NIBAN1: variants seen among roughly 807,000 people sequenced by gnomAD.
NIBAN1 encodes the protein niban apoptosis regulator 1.
In NIBAN1, 81 loss-of-function variants were observed where a neutral mutation model predicts 75.1. That is an observed-to-expected ratio of 1.08 (90% CI 0.90 to 1.30). The LOEUF (loss-of-function observed/expected upper bound fraction) is 1.30. NIBAN1 is among the 50% of genes most tolerant of loss of function. NIBAN1 has a pLI of 0.00. For synonymous variants in NIBAN1, 436 were observed against 424.8 expected, an observed-to-expected ratio of 1.03 and a Z score of -0.32; for missense variants, 1,133 against 1,128.1, an observed-to-expected ratio of 1.00 and a Z score of -0.06.
intron 7 of NIBAN1, 68 bp from the exon 8 acceptor site, chr1:184,823,397 G>A: frequency 8.3e-6 from 13 of 1,571,614 alleles, no homozygotes; most frequent in Non-Finnish European, 1.1e-5. Flanking sequence ...TCAAGTGGAG[G>A]GAGGAGCCTT....
At chr1:184,967,585 A>G (rs188417365) in intron 1 of NIBAN1, among the ~76,000 whole-genome samples, 1 of 152,342 alleles carries the variant, frequency 6.6e-6, no homozygotes, top group African/African-American at 2.4e-5. Flanking sequence ...CTGTGAACCC[A>G]GTTCAAACCT....
At chr1:184,921,734 T>G (rs894972450) in intron 1 of NIBAN1, among the ~76,000 whole-genome samples, 10 of 152,190 alleles carry the variant, frequency 6.6e-5, no homozygotes, top group African/African-American at 2.4e-4. Flanking sequence ...ATTCAATAAT[T>G]TCAAGAGGAG....
At chr1:184,921,778 A>G (rs1203490426) in intron 1 of NIBAN1, among the ~76,000 whole-genome samples, 3 of 152,234 alleles carry the variant, frequency 2.0e-5, no homozygotes, top group Non-Finnish European at 4.4e-5. Flanking sequence ...AATTAGCATC[A>G]ATTCTGCCAT....
intron 5 of NIBAN1, among the ~76,000 whole-genome samples, chr1:184,839,139 C>T (rs905165858): frequency 1.6e-4 from 24 of 152,118 alleles, no homozygotes; most frequent in African/African-American, 5.8e-4. Context: ...TTCCAACAAT[C>T]CCATCAGGCA....
chr1:184,884,590 C>T (rs1307220102), intron 5 of NIBAN1, 43 bp downstream of exon 5: 1 of 1,607,930 alleles, frequency 6.2e-7, no homozygotes, highest in African/African-American at 1.3e-5. Context: ...GCGAGGGCTG[C>T]CCCACTTCCC....
intron 8 of NIBAN1, 40 bp from the exon 9 acceptor site, chr1:184,818,865 A>G (rs766719072): frequency 1.3e-6 from 2 of 1,543,706 alleles, no homozygotes; most frequent in East Asian, 4.5e-5. Flanking sequence ...ACATATGGCA[A>G]AACTGGGTTT....
rs148732242 is a variant in NIBAN1 at position 184,823,223 on chromosome 1, C to T, written c.929G>A (p.Arg310His). 4.0e-5 allele frequency: 65 copies of T among 1,614,218 alleles called. No homozygotes were observed. The highest frequency in any genetic ancestry group is 1.5e-4 in the African/African-American group (11 of 75,062). ...GTTCACAATCTGATCCATGTCAGAA[C>T]GGATCGTTCCTTCCAGGCCCTTTGT... ...ALTKGLEGTI[R>H]SDMDQIVNSK... is the part of the protein sequence containing the mutation. The change falls in exon 8 of 14, where the codon CGT becomes CAT. Residue 310 changes from arginine to histidine, a missense_variant. Transcript: ENST00000367511.
At chr1:184,908,499 C>T (rs1657160341) in intron 1 of NIBAN1, among the ~76,000 whole-genome samples, 1 of 152,152 alleles carries the variant, frequency 6.6e-6, no homozygotes, top group African/African-American at 2.4e-5. Context: ...CATAGAGAAA[C>T]TAAAATCCCG....
chr1:184,813,025 C>G (rs967614648), intron 9 of NIBAN1, among the ~76,000 whole-genome samples: 1 of 152,142 alleles, frequency 6.6e-6, no homozygotes, highest in African/African-American at 2.4e-5. Flanking sequence ...TTAAAGAGTG[C>G]TATGATTAAA....
chr1:184,927,659 C>T lies in NIBAN1; in HGVS notation c.56-28350G>A, dbSNP rs113947255. ...GCCTGTGATAACCACTGCCTGCCTA[C>T]GACCTATGTTTGCTCAAGGCCTTAG... On this transcript the variant is annotated intron_variant, in intron 1 of 13. Transcript: ENST00000367511. Among the ~76,000 whole-genome samples the T allele has an allele frequency of 8.9e-3, 1,357 of 152,168 alleles. 17 individuals carry two copies. The highest frequency in any genetic ancestry group is 0.02 in the South Asian group (96 of 4,824).
intron 5 of NIBAN1, among the ~76,000 whole-genome samples, chr1:184,842,166 C>T (rs1228516938): frequency 6.6e-6 from 1 of 152,198 alleles, no homozygotes; most frequent in Non-Finnish European, 1.5e-5. Flanking sequence ...AAATGATTCA[C>T]ATTGTCTTAA....
intron 1 of NIBAN1, among the ~76,000 whole-genome samples, chr1:184,925,561 TA>T (rs750684076): frequency 1.3e-5 from 2 of 152,232 alleles, no homozygotes; most frequent in East Asian, 3.9e-4. Flanking sequence ...TCTTTATTTT[TA>T]TTTTTTTGTT....
intron 1 of NIBAN1, among the ~76,000 whole-genome samples, chr1:184,974,038 C>T (rs1480219380): frequency 6.6e-6 from 1 of 152,068 alleles, no homozygotes; most frequent in Non-Finnish European, 1.5e-5. Context: ...GACCCCGAGG[C>T]GGCGGGAGCG....
At chr1:184,801,411 T>C (rs1242114248) in intron 12 of NIBAN1, among the ~76,000 whole-genome samples, 1 of 152,210 alleles carries the variant, frequency 6.6e-6, no homozygotes, top group Non-Finnish European at 1.5e-5. Flanking sequence ...TGCCCTGGAC[T>C]AGACATGGGA....
intron 2 of NIBAN1, among the ~76,000 whole-genome samples, chr1:184,896,025 A>G (rs1166959900): frequency 1.3e-5 from 2 of 152,308 alleles, no homozygotes; most frequent in East Asian, 1.9e-4. Flanking sequence ...ATAAACACAC[A>G]CATACAGGAG....
chr1:184,974,075 A>C (rs1371543894), intron 1 of NIBAN1, among the ~76,000 whole-genome samples: 1 of 152,098 alleles, frequency 6.6e-6, no homozygotes, highest in Non-Finnish European at 1.5e-5. Flanking sequence ...CCCCACCCGC[A>C]TCCTGCACCT....
At chr1:184,921,450 G>A (rs111578320) in intron 1 of NIBAN1, among the ~76,000 whole-genome samples, 3 of 152,146 alleles carry the variant, frequency 2.0e-5, no homozygotes, top group Admixed American at 6.5e-5. Context: ...AAGACTGGAA[G>A]AAAATATACC....
At chr1:184,838,481 C>T (rs922968839) in intron 5 of NIBAN1, among the ~76,000 whole-genome samples, 5 of 152,198 alleles carry the variant, frequency 3.3e-5, no homozygotes, top group African/African-American at 9.6e-5. Context: ...ATTCATTCAA[C>T]AATCACATCC....
intron 1 of NIBAN1, among the ~76,000 whole-genome samples, chr1:184,945,360 T>G (rs1658195353): frequency 6.6e-6 from 1 of 152,244 alleles, no homozygotes; most frequent in Admixed American, 6.5e-5. Flanking sequence ...CTGTAAAATA[T>G]GCTTTAGAAA....
Sources: gnomAD v4.1 joint callset for allele counts (sites outside exome capture counted in the v4.1 genomes callset) on GRCh38, gnomAD v4.1.1 for gene constraint, MANE v1.5 for transcripts, NCBI Gene and HGNC (gene_info 2026-07-23, HGNC 2026-07-21) for gene names.